TSPEAR: variants seen among roughly 807,000 people sequenced by gnomAD.
TSPEAR encodes the protein thrombospondin-type laminin G domain and EAR repeat-containing protein.
Under a neutral mutation model 71.6 loss-of-function variants are expected in TSPEAR, and 69 were observed. That is an observed-to-expected ratio of 0.96 (90% CI 0.79 to 1.18). The LOEUF is 1.18. Ranked by LOEUF, TSPEAR falls within the 50% of genes most tolerant of loss-of-function variation. TSPEAR has a pLI of 0.00. For synonymous variants in TSPEAR, 402 were observed against 387.2 expected, an observed-to-expected ratio of 1.04 and a Z score of -0.45; for missense variants, 971 against 894.9, an observed-to-expected ratio of 1.09 and a Z score of -1.09.
At chr21:44,508,771 A>T in intron 10 of TSPEAR, 1 of 1,290,680 alleles carries the variant, frequency 7.7e-7, no homozygotes, top group Non-Finnish European at 1.0e-6. Flanking sequence ...AGGATGCAAC[A>T]TCGGGGGAAG....
chr21:44,606,034 T>G (rs941905205), intron 1 of TSPEAR, among the ~76,000 whole-genome samples: 2 of 151,818 alleles, frequency 1.3e-5, no homozygotes, highest in Non-Finnish European at 2.9e-5. Context: ...GGAAAAAATA[T>G]CTGCAAACCA....
rs1981828082 is a variant in TSPEAR at position 44,613,052 on chromosome 21, T to A, written c.83-45047A>T. ...TACTCCCAGGAGCCTCCATCCTCAC[T>A]GCTCCCCAGCTCTTGCCTTCCAGCA... On this transcript the variant is annotated intron_variant, in intron 1 of 11. Coordinates refer to ENST00000323084, the MANE Select transcript of TSPEAR (RefSeq NM_144991.3). The A allele has an allele frequency of 3.1e-6, 3 of 969,608 alleles. No homozygotes were observed. In the Admixed American group the frequency reaches 8.1e-5, roughly 26 times the overall value. The allele number at this position is 969,608 out of a possible 1,614,324, so 60.1% of individuals were successfully genotyped here.
At chr21:44,691,207 T>C (rs1987111079) in intron 1 of TSPEAR, among the ~76,000 whole-genome samples, 1 of 151,968 alleles carries the variant, frequency 6.6e-6, no homozygotes, top group African/African-American at 2.4e-5. Flanking sequence ...TTTGAGTCCC[T>C]CTCTCTCCCC....
At chr21:44,512,966 GAGGGTCTGTGCACCAGATTTAGCAAATCC>G (rs1298242055) in intron 9 of TSPEAR, among the ~76,000 whole-genome samples, 3 of 152,220 alleles carry the variant, frequency 2.0e-5, no homozygotes, top group African/African-American at 7.2e-5. Context: ...TGTACCCAGC[GAGGGTCTGTGCACCAGATTTAGCAAATCC>G]AGGGTCCCTG....
At chr21:44,625,848 C>A (rs1312051544) in intron 1 of TSPEAR, among the ~76,000 whole-genome samples, 11 of 152,190 alleles carry the variant, frequency 7.2e-5, no homozygotes, top group Non-Finnish European at 1.6e-4. Context: ...TTTAGAGACA[C>A]CCCCAGGGAC....
chr21:44,615,730 A>G (rs1982048960), intron 1 of TSPEAR, among the ~76,000 whole-genome samples: 1 of 152,122 alleles, frequency 6.6e-6, no homozygotes, highest in Non-Finnish European at 1.5e-5. Flanking sequence ...ATATATAGTT[A>G]TCAAAAGAAG....
At chr21:44,706,977 G>C (rs1987957355) in intron 1 of TSPEAR, among the ~76,000 whole-genome samples, 1 of 152,242 alleles carries the variant, frequency 6.6e-6, no homozygotes, top group African/African-American at 2.4e-5. Context: ...GGACAAAGGC[G>C]GGCTGGGAAG....
intron 1 of TSPEAR, chr21:44,702,381 T>C: frequency 1.9e-6 from 1 of 534,562 alleles, no homozygotes; most frequent in Non-Finnish European, 2.6e-6. Flanking sequence ...AGGCAGCCTG[T>C]GAGCCCAGCT....
At chr21:44,595,599 A>AGCAGCACT (rs1484883450) in intron 1 of TSPEAR, among the ~76,000 whole-genome samples, 1 of 152,234 alleles carries the variant, frequency 6.6e-6, no homozygotes, top group Non-Finnish European at 1.5e-5. Context: ...CCAGCAGCAC[A>AGCAGCACT]GCAGCACTGC....
chr21:44,582,044 T>C (rs17004679), intron 1 of TSPEAR, among the ~76,000 whole-genome samples: 3,526 of 152,308 alleles, frequency 0.023, 119 homozygotes, highest in African/African-American at 0.073. Context: ...TTAGTAGAGG[T>C]TGTGCGAGAA....
chr21:44,584,117 C>T (rs896838149), intron 1 of TSPEAR, among the ~76,000 whole-genome samples: 2 of 152,160 alleles, frequency 1.3e-5, no homozygotes, highest in Non-Finnish European at 2.9e-5. Context: ...CCCCTGTGAA[C>T]CCCCACTCTA....
At position 44,687,812 on chromosome 21, in the gene TSPEAR, T is replaced by C. The variant is rs782746362; in HGVS notation, c.82+23621A>G. ...CTTCGTCAAATGATACCCTTGAGAT[T>C]TGAATCATTTCACATGCAAAACAAA... On this transcript the variant is annotated intron_variant, in intron 1 of 11. Coordinates refer to ENST00000323084, the MANE Select transcript of TSPEAR (RefSeq NM_144991.3). The surrounding 1 kb of genome is among the most constrained non-coding windows in gnomAD (Gnocchi z 4.4). Among the ~76,000 whole-genome samples the C allele has an allele frequency of 1.4e-4, 22 of 152,188 alleles. No homozygotes were observed. Among genetic ancestry groups the C allele is most frequent in the African/African-American group, 2.7e-4 (11 of 41,446 alleles).
At chr21:44,658,108 T>G in intron 1 of TSPEAR, 2 of 1,612,602 alleles carry the variant, frequency 1.2e-6, no homozygotes, top group Non-Finnish European at 1.7e-6. Context: ...GCACGCGCAT[T>G]GTGTGCGTGG....
chr21:44,544,890 C>A (rs1375381016), intron 2 of TSPEAR, among the ~76,000 whole-genome samples: 1 of 151,944 alleles, frequency 6.6e-6, no homozygotes, highest in African/African-American at 2.4e-5. Flanking sequence ...GAAGATATAC[C>A]AATTGTAAAT....
At chr21:44,637,421 G>A in intron 1 of TSPEAR, 2 of 1,601,938 alleles carry the variant, frequency 1.2e-6, no homozygotes, top group Middle Eastern at 1.8e-4. Context: ...CTCCAGCATG[G>A]CCGCCTCCAC....
intron 1 of TSPEAR, among the ~76,000 whole-genome samples, chr21:44,620,823 C>G (rs1240875514): frequency 6.6e-6 from 1 of 152,106 alleles, no homozygotes; most frequent in African/African-American, 2.4e-5. Context: ...TATGTACTGC[C>G]TTCATTGCAT....
rs782066699 is a variant in TSPEAR at position 44,527,352 on chromosome 21, T to C, written c.1089A>G (p.Ser363=). 8 of 1,614,090 alleles carry C rather than the reference T, an allele frequency of 5.0e-6. 1 individual carries two copies. The highest frequency in any genetic ancestry group is 3.3e-5 in the South Asian group (3 of 91,084). Residue 363 remains serine, a synonymous_variant, in exon 7 of 12, where the codon TCA becomes TCG. Coordinates refer to ENST00000323084, the MANE Select transcript of TSPEAR (RefSeq NM_144991.3). The part of the protein sequence containing the change: ...VYKWTEEKFV[S]YQNIPTHQAQ... ...CTTGGTGCGTGGGGATGTTCTGATATGAGACGAACTTCTCTTCGGTCCACT... is the reference window on the plus strand; with the variant it reads ...CTTGGTGCGTGGGGATGTTCTGATACGAGACGAACTTCTCTTCGGTCCACT...
At chr21:44,547,985 A>G (rs1274931240) in intron 2 of TSPEAR, among the ~76,000 whole-genome samples, 1 of 152,168 alleles carries the variant, frequency 6.6e-6, no homozygotes, top group Non-Finnish European at 1.5e-5. Context: ...TCCTCAAAGC[A>G]TGTCATCTTC....
At chr21:44,528,892 T>C (rs1443498829) in intron 5 of TSPEAR, among the ~76,000 whole-genome samples, 1 of 152,230 alleles carries the variant, frequency 6.6e-6, no homozygotes, top group Admixed American at 6.5e-5. Flanking sequence ...TCCTCAGCGA[T>C]TGCACAGGGC....
Sources: allele counts gnomAD v4.1 joint callset (sites outside exome capture counted in the v4.1 genomes callset), GRCh38; gene constraint gnomAD v4.1.1; non-coding constraint Gnocchi (gnomAD v3.1); transcripts MANE v1.5; gene names NCBI Gene and HGNC (gene_info 2026-07-23, HGNC 2026-07-21).